Variants in PTK2B observed in about 807,000 individuals in gnomAD.
PTK2B encodes the protein protein tyrosine kinase 2 beta.
A neutral mutation model predicts 142.9 loss-of-function variants in PTK2B; 71 were observed. The ratio of observed to expected loss-of-function variants is 0.50; its 90% CI spans 0.41 to 0.61. The LOEUF (loss-of-function observed/expected upper bound fraction) is 0.61. Among genes scored for constraint, PTK2B ranks in the 20% least tolerant of loss-of-function variants. The pLI is 0.00. For missense variants in PTK2B, 1,105 were observed against 1,320.4 expected, an observed-to-expected ratio of 0.84 and a Z score of 2.53; for synonymous variants, 519 against 503.4, an observed-to-expected ratio of 1.03 and a Z score of -0.42.
intron 2 of PTK2B, among the ~76,000 whole-genome samples, chr8:27,398,942 GCTCT>G (rs1808222151): frequency 6.6e-6 from 1 of 152,152 alleles, no homozygotes; most frequent in East Asian, 1.9e-4. Context: ...AGTTTGATTG[GCTCT>G]CTCTGTTTCC....
intron 1 of PTK2B, among the ~76,000 whole-genome samples, chr8:27,350,410 CAG>C (rs1804974834): frequency 6.6e-6 from 1 of 152,116 alleles, no homozygotes; most frequent in African/African-American, 2.4e-5. Flanking sequence ...CTCCAAATAA[CAG>C]AGCATCTCAG....
rs76133962 is a variant in PTK2B, at chr8:27,336,006, C to T, written c.-38+10325C>T. On this transcript the variant is annotated intron_variant, in intron 1 of 30. Transcript: ENST00000346049. ...GGTGCAGGTCATCTGGAATTCTTTC[C>T]GGGTCTCAGGCTCGTGAGGTGCTCA... Among the ~76,000 whole-genome samples the T allele has an allele frequency of 4.3e-3, 650 of 152,226 alleles. 1 individual carries two copies. The highest frequency in any genetic ancestry group is 6.3e-3 in the Non-Finnish European group (430 of 68,004).
intron 1 of PTK2B, among the ~76,000 whole-genome samples, chr8:27,343,520 G>A (rs778325412): frequency 3.9e-5 from 6 of 152,156 alleles, no homozygotes; most frequent in Admixed American, 1.3e-4. Context: ...GGGAATGACT[G>A]CCCTTTTATG....
Position 27,432,710 on chromosome 8 carries a change from TTTTG to T in PTK2B, c.987+369_987+372del, listed in dbSNP as rs780924414. Among the ~76,000 whole-genome samples, 35 of 152,182 alleles carry T rather than the reference TTTTG, an allele frequency of 2.3e-4. 1 individual carries two copies. Among genetic ancestry groups the T allele is most frequent in the South Asian group, 1.2e-3 (6 of 4,812 alleles). On this transcript the variant is annotated intron_variant, in intron 10 of 30. Transcript: ENST00000346049. Reference sequence around the variant, plus strand: ...ATCAAGACCTCAAAAACATGGGTTTTTTTGTTTGTTTGTTTGTTTGTTTTTTACA... The same window carrying T: ...ATCAAGACCTCAAAAACATGGGTTTTTTTGTTTGTTTGTTTGTTTTTTACA...
chr8:27,403,170 C>G (rs1437803002), intron 2 of PTK2B, among the ~76,000 whole-genome samples: 1 of 152,146 alleles, frequency 6.6e-6, no homozygotes, highest in Non-Finnish European at 1.5e-5. Flanking sequence ...TCTTCCTTTC[C>G]TCATTTTCCC....
At chr8:27,455,066 A>T (rs535723068) in intron 30 of PTK2B, among the ~76,000 whole-genome samples, 2 of 152,196 alleles carry the variant, frequency 1.3e-5, no homozygotes, top group South Asian at 4.1e-4. Context: ...TGGTTCCTGT[A>T]GTAGGGAGAG....
Position 27,419,943 on chromosome 8 carries a change from C to T in PTK2B, c.253C>T (p.Arg85Trp), listed in dbSNP as rs369608545. 34 of 1,614,192 alleles carry T rather than the reference C, an allele frequency of 2.1e-5. No homozygotes were observed. In the African/African-American group the frequency reaches 2.3e-4, roughly 11 times the overall value. ...LLSGRIGPNIRLAECYGLRLK... is the reference protein window; with the variant it reads ...LLSGRIGPNIWLAECYGLRLK... Reference sequence around the variant, plus strand: ...GAGCGGGCGGATCGGGCCCAACATCCGGTTGGCTGAGTGCTATGGGCTGAG... The same window carrying T: ...GAGCGGGCGGATCGGGCCCAACATCTGGTTGGCTGAGTGCTATGGGCTGAG... Residue 85 changes from arginine to tryptophan, a missense_variant, in exon 3 of 31, where the codon CGG (arginine) becomes TGG (tryptophan). Transcript: ENST00000346049.
In PTK2B at chr8:27,437,508, G is replaced by T. The variant is rs763903345; in HGVS notation, c.1527+12G>T. The T allele has an allele frequency of 7.6e-6, 12 of 1,584,976 alleles. No homozygotes were observed. The highest frequency in any genetic ancestry group is 1.0e-5 in the Non-Finnish European group (12 of 1,162,502). On this transcript the variant is annotated intron_variant, in intron 17 of 30. Transcript: ENST00000346049. ...ATCCCTATGGGGAGGTGAGCTGGAG[G>T]ACCCTGCGATGACAACTGGGCTGCA...
At chr8:27,335,341 C>A (rs1283529133) in intron 1 of PTK2B, among the ~76,000 whole-genome samples, 1 of 152,182 alleles carries the variant, frequency 6.6e-6, no homozygotes, top group East Asian at 1.9e-4. Flanking sequence ...GCCTGTAATC[C>A]CAGCACTCTG....
chr8:27,339,888 AG>A (rs1292850679), intron 1 of PTK2B, among the ~76,000 whole-genome samples: 3 of 152,262 alleles, frequency 2.0e-5, no homozygotes, highest in Non-Finnish European at 4.4e-5. Flanking sequence ...ATTCCTGGGC[AG>A]GATTCCAGTG....
At chr8:27,325,848 T>C (rs1172815241) in intron 1 of PTK2B, among the ~76,000 whole-genome samples, 167 bp downstream of exon 1, 1 of 152,206 alleles carries the variant, frequency 6.6e-6, no homozygotes, top group African/African-American at 2.4e-5. Flanking sequence ...GCTGTGCACA[T>C]GCCCGGAGCT....
At chr8:27,384,327 G>A (rs1291748856) in intron 1 of PTK2B, among the ~76,000 whole-genome samples, 1 of 152,186 alleles carries the variant, frequency 6.6e-6, no homozygotes, top group African/African-American at 2.4e-5. Flanking sequence ...TTTTTAGCTA[G>A]TTGGTTATAA....
intron 2 of PTK2B, among the ~76,000 whole-genome samples, chr8:27,411,524 A>G (rs1286140872): frequency 6.6e-6 from 1 of 152,216 alleles, no homozygotes; most frequent in African/African-American, 2.4e-5. Context: ...GTTTGAATGA[A>G]GAAGCCATTC....
At chr8:27,351,046 C>A (rs1805063807) in intron 1 of PTK2B, among the ~76,000 whole-genome samples, 3 of 95,082 alleles carry the variant, frequency 3.2e-5, no homozygotes, top group East Asian at 6.5e-4. Flanking sequence ...TATATACGTG[C>A]TTGGAGCAGG....
At position 27,394,437 on chromosome 8, in the gene PTK2B, T is replaced by A. The variant is rs1807915689; in HGVS notation, c.-37-3111T>A. On this transcript the variant is annotated intron_variant, in intron 1 of 30. Transcript: ENST00000346049. ...TTTGTGTATCTAAACATAGGAAAGGTACAGTAAAAATACAGTGTAAAAGAT... is the reference window on the plus strand; with the variant it reads ...TTTGTGTATCTAAACATAGGAAAGGAACAGTAAAAATACAGTGTAAAAGAT... 2.0e-5 allele frequency among the ~76,000 whole-genome samples: 3 copies of A among 152,220 alleles called. No individual in the cohort carries two copies. The South Asian group carries it at 6.2e-4, about 32-fold the overall frequency.
At chr8:27,311,107 C>A, upstream of PTK2B, 1 of 1,599,254 alleles carries the variant, frequency 6.3e-7, no homozygotes, top group Non-Finnish European at 8.5e-7. Flanking sequence ...GGCTCACGCA[C>A]CCGCGGCAGA....
rs539697544 is a variant in PTK2B at position 27,392,473 on chromosome 8, G to T, written c.-37-5075G>T. Among the ~76,000 whole-genome samples, 291 of 152,278 alleles carry T rather than the reference G, an allele frequency of 1.9e-3. 1 individual carries two copies. The highest frequency in any genetic ancestry group is 3.4e-3 in the Middle Eastern group (1 of 294). ...TTGCTTACGAGGAACTCTCACTTAT[G>T]TTTTCTCACTTCATCTTCACCACCC... On this transcript the variant is annotated intron_variant, in intron 1 of 30. Transcript: ENST00000346049.
chr8:27,312,925 T>G (rs1320755238), intron 2 of PTK2B, among the ~76,000 whole-genome samples: 1 of 152,164 alleles, frequency 6.6e-6, no homozygotes, highest in Non-Finnish European at 1.5e-5. Context: ...CAGCAGTGAA[T>G]CTGTATGGGT....
intron 21 of PTK2B, among the ~76,000 whole-genome samples, chr8:27,441,249 T>C (rs943779894): frequency 2.0e-5 from 3 of 151,930 alleles, no homozygotes; most frequent in Non-Finnish European, 4.4e-5. Context: ...GAAATATGAA[T>C]TTCAAATAAG....
Sources: gnomAD v4.1 joint callset for allele counts (sites outside exome capture counted in the v4.1 genomes callset) on GRCh38, gnomAD v4.1.1 for gene constraint, MANE v1.5 for transcripts, NCBI Gene and HGNC (gene_info 2026-07-23, HGNC 2026-07-21) for gene names.